SWT1: variants seen among roughly 807,000 people sequenced by gnomAD.
SWT1 encodes the protein SWT1 RNA endoribonuclease homolog.
Under a neutral mutation model 107.3 loss-of-function variants are expected in SWT1, and 33 were observed. The ratio of observed to expected loss-of-function variants is 0.31; its 90% CI spans 0.23 to 0.41. The LOEUF is 0.41. Among genes scored for constraint, SWT1 ranks in the 10% least tolerant of loss-of-function variants. The pLI, the probability that SWT1 is intolerant of heterozygous loss-of-function variation, is 1.00. For missense variants in SWT1, 898 were observed against 1,028.9 expected, an observed-to-expected ratio of 0.87 and a Z score of 1.74; for synonymous variants, 345 against 348.3, an observed-to-expected ratio of 0.99 and a Z score of 0.11.
chr1:185,176,470 A>T (rs1190837613), intron 5 of SWT1: 5 of 664,752 alleles, frequency 7.5e-6, no homozygotes, highest in Non-Finnish European at 9.3e-6. Context: ...AAAGCTTGGC[A>T]CATCTATTTT....
intron 18 of SWT1, among the ~76,000 whole-genome samples, chr1:185,286,414 C>T (rs549460535): frequency 7.2e-5 from 11 of 152,062 alleles, no homozygotes; most frequent in Admixed American, 2.0e-4. Context: ...TTAGTAGAGA[C>T]GGGGTTTCAC....
chr1:185,261,679 T>C (rs916475947), intron 16 of SWT1, among the ~76,000 whole-genome samples: 4 of 152,088 alleles, frequency 2.6e-5, no homozygotes, highest in Non-Finnish European at 5.9e-5. Flanking sequence ...TCTGCTTTTT[T>C]TTTTTTTTTA....
chr1:185,225,657 A>C lies in SWT1; in HGVS notation c.2309+3621A>C, dbSNP rs994534250. ...AATATCCTGTACAGATTTGTAACTA[A>C]GGAGCAATAGGCTATACCATACAGC... is the stretch of plus-strand genomic sequence containing the variant. On this transcript the variant is annotated intron_variant, in intron 15 of 18. Coordinates refer to ENST00000367500, the MANE Select transcript of SWT1 (RefSeq NM_017673.7). Among the ~76,000 whole-genome samples the C allele has an allele frequency of 3.9e-5, 6 of 152,196 alleles. No homozygotes were observed. In the East Asian group the frequency reaches 1.2e-3, roughly 29 times the overall value.
intron 4 of SWT1, among the ~76,000 whole-genome samples, chr1:185,169,413 T>C (rs1040561800): frequency 6.6e-6 from 1 of 152,098 alleles, no homozygotes; most frequent in Non-Finnish European, 1.5e-5. Flanking sequence ...TATAAAATGT[T>C]TTATAAAAAT....
At chr1:185,235,025 C>A (rs1255580320) in intron 16 of SWT1, among the ~76,000 whole-genome samples, 2 of 152,154 alleles carry the variant, frequency 1.3e-5, no homozygotes, top group Non-Finnish European at 2.9e-5. Context: ...GAAGTCGAAT[C>A]CCTGAATAGA....
chr1:185,203,238 A>G (rs1273613001), intron 11 of SWT1, among the ~76,000 whole-genome samples: 3 of 152,076 alleles, frequency 2.0e-5, no homozygotes, highest in Non-Finnish European at 4.4e-5. Context: ...TTCTATTTAT[A>G]ACCTATTAAT....
intron 5 of SWT1, among the ~76,000 whole-genome samples, chr1:185,176,141 AG>A (rs781089085): frequency 3.9e-4 from 60 of 151,978 alleles, no homozygotes; most frequent in Non-Finnish European, 5.6e-4. Flanking sequence ...CATAAAAATT[AG>A]CTGGGTGTGG....
chr1:185,284,016 G>A (rs1190846105), intron 18 of SWT1, among the ~76,000 whole-genome samples: 1 of 152,064 alleles, frequency 6.6e-6, no homozygotes, highest in African/African-American at 2.4e-5. Flanking sequence ...GAATTCCTGG[G>A]TGAGATTCTA....
chr1:185,180,186 A>G (rs1049418867), intron 5 of SWT1, among the ~76,000 whole-genome samples: 2 of 151,868 alleles, frequency 1.3e-5, no homozygotes, highest in African/African-American at 2.4e-5. Context: ...CCTGTCTTTA[A>G]AAAAAAAGTT....
chr1:185,278,039 G>T (rs1041656157), intron 18 of SWT1, among the ~76,000 whole-genome samples: 1 of 151,730 alleles, frequency 6.6e-6, no homozygotes, highest in Non-Finnish European at 1.5e-5. Flanking sequence ...GCCCAGGGTG[G>T]TCTCGAACTC....
intron 14 of SWT1, among the ~76,000 whole-genome samples, chr1:185,218,255 T>C (rs965840074): frequency 1.1e-4 from 16 of 152,196 alleles, no homozygotes; most frequent in African/African-American, 3.9e-4. Flanking sequence ...GGAATATTCA[T>C]TATTTGATTG....
At chr1:185,175,452 C>A (rs552334855) in intron 5 of SWT1, among the ~76,000 whole-genome samples, 51 of 152,200 alleles carry the variant, frequency 3.4e-4, no homozygotes, top group African/African-American at 1.1e-3. Flanking sequence ...GTCTTGAACT[C>A]CTGGGCTGAA....
At chr1:185,234,312 A>G (rs542337735) in intron 16 of SWT1, among the ~76,000 whole-genome samples, 2 of 152,344 alleles carry the variant, frequency 1.3e-5, no homozygotes, top group South Asian at 4.1e-4. Context: ...TATTGGGTAC[A>G]GATGTATTTA....
At chr1:185,198,686 CCTTT>C (rs938495323) in intron 10 of SWT1, among the ~76,000 whole-genome samples, 1 of 151,608 alleles carries the variant, frequency 6.6e-6, no homozygotes, top group Non-Finnish European at 1.5e-5. Context: ...TTAAGTAGTG[CCTTT>C]CTTTGTCTCT....
intron 16 of SWT1, among the ~76,000 whole-genome samples, chr1:185,270,955 G>T (rs1289220692): frequency 6.6e-6 from 1 of 152,172 alleles, no homozygotes; most frequent in Non-Finnish European, 1.5e-5. Flanking sequence ...CTCAAGCTTT[G>T]TCTGGAGCTT....
intron 4 of SWT1, among the ~76,000 whole-genome samples, chr1:185,169,482 C>G (rs541616799): frequency 1.3e-5 from 2 of 152,102 alleles, no homozygotes; most frequent in South Asian, 4.2e-4. Context: ...CAGTGAAAGC[C>G]ATAATACAGA....
rs755114435 is a variant in SWT1 at position 185,202,726 on chromosome 1, A to G, written c.1596A>G (p.Ala532=). ...CACTCAGTAAAGAAGAATTGAGTGC[A>G]GAGTTATTACACTTATCTCTGAACA... ...VKSLSKEELS[A]ELLHLSLNTD... The change falls in exon 11 of 19, where the codon GCA becomes GCG. Residue 532 remains alanine (A), a synonymous_variant. Coordinates refer to ENST00000367500, the MANE Select transcript of SWT1 (RefSeq NM_017673.7). The G allele has an allele frequency of 1.2e-6, 2 of 1,606,980 alleles. No individual in the cohort carries two copies. The highest frequency in any genetic ancestry group is 1.1e-5 in the South Asian group (1 of 89,874).
chr1:185,265,033 A>G (rs1553267064), intron 16 of SWT1, among the ~76,000 whole-genome samples: 1 of 152,162 alleles, frequency 6.6e-6, no homozygotes, highest in Non-Finnish European at 1.5e-5. Context: ...AACTCTTCCT[A>G]TTCCCACCAC....
chr1:185,284,964 G>A (rs1391421520), intron 18 of SWT1, among the ~76,000 whole-genome samples: 2 of 151,632 alleles, frequency 1.3e-5, no homozygotes, highest in African/African-American at 4.9e-5. Flanking sequence ...ACTCCCTGCA[G>A]CCACACTCAC....
Sources: gnomAD v4.1 joint callset for allele counts (sites outside exome capture counted in the v4.1 genomes callset) on GRCh38, gnomAD v4.1.1 for gene constraint, MANE v1.5 for transcripts, NCBI Gene and HGNC (gene_info 2026-07-23, HGNC 2026-07-21) for gene names.